The following NRDC variants were observed in gnomAD, a reference collection of about 807,000 sequenced individuals.
The protein encoded by NRDC is nardilysin convertase.
Under a neutral mutation model 147.1 loss-of-function variants are expected in NRDC, and 54 were observed. The observed-to-expected ratio is 0.37, with a 90% CI of 0.29 to 0.46. NRDC has a LOEUF of 0.46. Ranked by LOEUF, NRDC falls within the 20% of genes least tolerant of loss-of-function variation. The probability of loss-of-function intolerance (pLI) is 1.00; values close to 1 mark genes in which losing one functional copy is unlikely to be tolerated. For synonymous variants in NRDC, 440 were observed against 482.1 expected (o/e 0.91, Z 1.14); for missense variants, 1,082 against 1,370.6 (o/e 0.79, Z 3.33).
chr1:51,858,209 G>T (rs544840019), intron 1 of NRDC, among the ~76,000 whole-genome samples: 1 of 152,274 alleles, frequency 6.6e-6, no homozygotes, highest in Admixed American at 6.5e-5. Flanking sequence ...GCCAGGTGTG[G>T]TGGCTCATGC....
At chr1:51,837,961 T>G (rs1259406232) in intron 2 of NRDC, among the ~76,000 whole-genome samples, 1 of 152,198 alleles carries the variant, frequency 6.6e-6, no homozygotes, top group African/African-American at 2.4e-5. Context: ...CAAATAAAAC[T>G]TAGATCATAA....
At chr1:51,791,911 T>C in intron 26 of NRDC, 135 bp downstream of exon 26, 1 of 921,030 alleles carries the variant, frequency 1.1e-6, no homozygotes, top group Non-Finnish European at 1.7e-6. Flanking sequence ...ATTCCAAAAG[T>C]TTGGATGACT....
At chr1:51,846,092 T>C (rs929837095) in intron 1 of NRDC, among the ~76,000 whole-genome samples, 1 of 151,806 alleles carries the variant, frequency 6.6e-6, no homozygotes, top group Non-Finnish European at 1.5e-5. Flanking sequence ...AAACTAGAGA[T>C]ACAAAGATAT....
At chr1:51,878,202 C>A in intron 1 of NRDC, 73 bp downstream of exon 1, 1 of 1,507,040 alleles carries the variant, frequency 6.6e-7, no homozygotes, top group South Asian at 1.2e-5. Context: ...GACATGGAGA[C>A]AAGAAGTGAC....
At chr1:51,822,288 AATTTATATT>A (rs1486642026) in intron 7 of NRDC, among the ~76,000 whole-genome samples, 2 of 152,150 alleles carry the variant, frequency 1.3e-5, no homozygotes, top group African/African-American at 4.8e-5. Context: ...ATCATTTCTG[AATTTATATT>A]ATTTATATAG....
intron 1 of NRDC, among the ~76,000 whole-genome samples, chr1:51,863,272 T>A (rs746924061): frequency 1.7e-4 from 26 of 151,964 alleles, no homozygotes; most frequent in Non-Finnish European, 3.1e-4. Context: ...CATGGTGGCG[T>A]ACGTCTGTAG....
At chr1:51,797,429 A>G (rs1382363440) in intron 22 of NRDC, among the ~76,000 whole-genome samples, 3 of 152,198 alleles carry the variant, frequency 2.0e-5, no homozygotes, top group Non-Finnish European at 4.4e-5. Context: ...CTGTACTTTA[A>G]AACAGCTTCA....
At chr1:51,791,948 A>C in intron 26 of NRDC, 98 bp downstream of exon 26, 1 of 1,223,014 alleles carries the variant, frequency 8.2e-7, no homozygotes, top group Admixed American at 1.9e-5. Context: ...GATGGAAGGA[A>C]GCTCTAACAG....
chr1:51,819,251 T>C (rs1680107489), intron 9 of NRDC, among the ~76,000 whole-genome samples: 1 of 150,844 alleles, frequency 6.6e-6, no homozygotes, highest in African/African-American at 2.4e-5. Flanking sequence ...TGAGCTGAGA[T>C]CATGCCATTG....
chr1:51,794,432 G>T, intron 24 of NRDC, 40 bp downstream of exon 24: 1 of 1,604,276 alleles, frequency 6.2e-7, no homozygotes, highest in Non-Finnish European at 8.5e-7. Flanking sequence ...TGATCCCCAG[G>T]CACTGGGCCT....
At chr1:51,790,816 A>C in intron 28 of NRDC, 84 bp downstream of exon 28, 1 of 1,212,088 alleles carries the variant, frequency 8.3e-7, no homozygotes, top group Non-Finnish European at 1.2e-6. Context: ...CAAAGCTCAA[A>C]AACTGGCCGG....
intron 24 of NRDC, among the ~76,000 whole-genome samples, chr1:51,793,524 G>A (rs920156356): frequency 6.6e-6 from 1 of 152,198 alleles, no homozygotes; most frequent in Non-Finnish European, 1.5e-5. Flanking sequence ...TCATTAAGAA[G>A]ACTAGGACAA....
chr1:51,840,136 T>A, intron 2 of NRDC, 90 bp downstream of exon 2: 1 of 1,002,082 alleles, frequency 1.0e-6, no homozygotes, highest in Non-Finnish European at 1.5e-6. Context: ...GATAACTATA[T>A]ACTTCCTTTT....
intron 1 of NRDC, among the ~76,000 whole-genome samples, chr1:51,840,872 A>T (rs1681235187): frequency 6.6e-6 from 1 of 152,220 alleles, no homozygotes; most frequent in Non-Finnish European, 1.5e-5. Flanking sequence ...AAGTATTTAA[A>T]CATTCTATCA....
chr1:51,866,123 G>C (rs966049236), intron 1 of NRDC, among the ~76,000 whole-genome samples: 5 of 152,136 alleles, frequency 3.3e-5, no homozygotes, highest in Non-Finnish European at 5.9e-5. Flanking sequence ...TCCAGAGGCT[G>C]AGGCAGGAGG....
chr1:51,809,235 A>G (rs1047775858), intron 17 of NRDC, 80 bp downstream of exon 17: 1 of 884,580 alleles, frequency 1.1e-6, no homozygotes, highest in Non-Finnish European at 1.9e-6. Flanking sequence ...TTCCTACGAT[A>G]CTTTGTAAAA....
At chr1:51,835,421 T>C (rs913366633) in intron 3 of NRDC, among the ~76,000 whole-genome samples, 1 of 151,918 alleles carries the variant, frequency 6.6e-6, no homozygotes, top group Admixed American at 6.6e-5. Context: ...TGTTTTGTTT[T>C]TATATTAATC....
chr1:51,866,368 G>T (rs901805124), intron 1 of NRDC, among the ~76,000 whole-genome samples: 1 of 152,124 alleles, frequency 6.6e-6, no homozygotes, highest in African/African-American at 2.4e-5. Context: ...ATCTAGTGAG[G>T]TTAAAAATGA....
chr1:51,844,502 T>C (rs921594534), intron 1 of NRDC, among the ~76,000 whole-genome samples: 1 of 151,240 alleles, frequency 6.6e-6, no homozygotes, highest in African/African-American at 2.4e-5. Flanking sequence ...AGAAACCGAA[T>C]AGGGCCGAAG....
Sources: allele counts gnomAD v4.1 joint callset (sites outside exome capture counted in the v4.1 genomes callset), GRCh38; gene constraint gnomAD v4.1.1; transcripts MANE v1.5; gene names NCBI Gene and HGNC (gene_info 2026-07-23, HGNC 2026-07-21).